The following CSMD1 variants were observed in gnomAD, a reference collection of about 807,000 sequenced individuals.
CSMD1 encodes CUB and Sushi multiple domains 1.
In CSMD1, 213 loss-of-function variants were observed where a neutral mutation model predicts 417.5. The ratio of observed to expected loss-of-function variants is 0.51; its 90% CI spans 0.46 to 0.57. The LOEUF (loss-of-function observed/expected upper bound fraction) is 0.57, where lower values mean the gene tolerates loss of function less well. Ranked by LOEUF, CSMD1 falls within the 20% of genes least tolerant of loss-of-function variation. The pLI, the probability that CSMD1 is intolerant of heterozygous loss-of-function variation, is 0.00. For missense variants in CSMD1, 6,923 were observed against 4,529.7 expected (o/e 1.53, Z -15.17); for synonymous variants, 2,862 against 1,736.8 (o/e 1.65, Z -16.11).
chr8:4,924,623 G>A (rs1348682289), intron 1 of CSMD1, among the ~76,000 whole-genome samples: 2 of 142,022 alleles, frequency 1.4e-5, no homozygotes, highest in African/African-American at 5.2e-5. Context: ...TCAGGAGGCT[G>A]AGACAAGAGA....
intron 1 of CSMD1, among the ~76,000 whole-genome samples, chr8:4,777,018 T>C (rs939298416): frequency 3.7e-4 from 56 of 152,312 alleles, no homozygotes; most frequent in Admixed American, 1.6e-3. Flanking sequence ...CTGATTTCTA[T>C]CTAGTAAAGT....
chr8:4,963,127 C>T (rs1388227131), intron 1 of CSMD1, among the ~76,000 whole-genome samples: 1 of 152,182 alleles, frequency 6.6e-6, no homozygotes, highest in Non-Finnish European at 1.5e-5. Flanking sequence ...ATGGGTGGCC[C>T]TCCTACAGGC....
intron 3 of CSMD1, among the ~76,000 whole-genome samples, chr8:4,057,213 A>G (rs1015914403): frequency 6.6e-6 from 1 of 152,024 alleles, no homozygotes; most frequent in Non-Finnish European, 1.5e-5. Flanking sequence ...TGACTTTTTA[A>G]TGATTGCCAT....
At chr8:3,956,389 T>C (rs1457010978) in intron 5 of CSMD1, among the ~76,000 whole-genome samples, 1 of 152,168 alleles carries the variant, frequency 6.6e-6, no homozygotes, top group Non-Finnish European at 1.5e-5. Flanking sequence ...GAGCTAGAAT[T>C]TGAAGCCCAG....
intron 52 of CSMD1, among the ~76,000 whole-genome samples, chr8:3,002,521 C>G (rs1432511048): frequency 6.6e-6 from 1 of 152,198 alleles, no homozygotes; most frequent in Admixed American, 6.5e-5. Flanking sequence ...AAGCCTGGAA[C>G]CACTCCAAGA....
chr8:4,833,496 T>A (rs1163743438), intron 1 of CSMD1, among the ~76,000 whole-genome samples: 1 of 152,182 alleles, frequency 6.6e-6, no homozygotes, highest in African/African-American at 2.4e-5. Context: ...ACATGAAATT[T>A]GGGTGGGGAC....
chr8:3,073,809 T>A (rs562332503), intron 49 of CSMD1, among the ~76,000 whole-genome samples: 2 of 152,242 alleles, frequency 1.3e-5, no homozygotes, highest in African/African-American at 4.8e-5. Context: ...AAAAAAAGTA[T>A]TCTCTACTGA....
intron 1 of CSMD1, among the ~76,000 whole-genome samples, chr8:4,732,027 G>A (rs1809906479): frequency 6.6e-6 from 1 of 152,124 alleles, no homozygotes; most frequent in Non-Finnish European, 1.5e-5. Flanking sequence ...AGCCAGTGTT[G>A]ACTGCATGCC....
At chr8:4,045,072 T>C (rs188605855) in intron 3 of CSMD1, among the ~76,000 whole-genome samples, 8 of 152,316 alleles carry the variant, frequency 5.3e-5, no homozygotes, top group Admixed American at 5.2e-4. Flanking sequence ...GCCTGAGGTA[T>C]GGTGTGGAGG....
In CSMD1 at chr8:3,291,361, C is replaced by G. The variant is rs539499378; in HGVS notation, c.3951-7015G>C. Among the ~76,000 whole-genome samples, 14 of 27,422 alleles carry G rather than the reference C, an allele frequency of 5.1e-4. No individual in the cohort carries two copies. The South Asian group carries it at 0.012, about 23-fold the overall frequency. 18.0% of individuals were successfully genotyped at this position (27,422 alleles called of 152,430 possible). A position where few individuals can be genotyped will look rare whatever the true frequency, so the allele number is the denominator to read the frequency against. ...CCATAAAATAAGTTAGGGAGGATTCCCATCTTTTTCTTTTGATTGGAATAA... is the reference window on the plus strand; with the variant it reads ...CCATAAAATAAGTTAGGGAGGATTCGCATCTTTTTCTTTTGATTGGAATAA... On this transcript the variant is annotated intron_variant, in intron 25 of 69. Transcript: ENST00000635120.
chr8:4,070,653 G>A (rs760184302), intron 3 of CSMD1, among the ~76,000 whole-genome samples: 122 of 152,156 alleles, frequency 8.0e-4, no homozygotes, highest in Middle Eastern at 3.4e-3. Flanking sequence ...CACCGTGCCC[G>A]GCCACCACCT....
rs552186007 is a variant in CSMD1 at position 4,435,803 on chromosome 8, C to T, written c.303-15738G>A. On this transcript the variant is annotated intron_variant, in intron 2 of 69. Transcript: ENST00000635120. ...CTAAACAAGACAATAGAAGACAGAC[C>T]GTGTCCCGAACACCTTCAGGGCAGG... Among the ~76,000 whole-genome samples, 778 of 152,300 alleles carry T rather than the reference C, an allele frequency of 5.1e-3. 7 individuals carry two copies. Among genetic ancestry groups the T allele is most frequent in the African/African-American group, 0.018 (729 of 41,560 alleles).
chr8:3,496,147 G>A (rs1443291463), intron 10 of CSMD1, among the ~76,000 whole-genome samples: 2 of 152,168 alleles, frequency 1.3e-5, no homozygotes, highest in Non-Finnish European at 2.9e-5. Context: ...TTGTAAGTGA[G>A]AACATGCGGT....
chr8:4,201,540 C>CAAAAAAAAAAAAAAA (rs1157479482), intron 3 of CSMD1, among the ~76,000 whole-genome samples: 3 of 59,048 alleles, frequency 5.1e-5, no homozygotes, highest in Non-Finnish European at 5.6e-5. Context: ...TCTGTCTCCA[C>CAAAAAAAAAAAAAAA]AAAAAAAAAA....
chr8:4,937,425 T>C (rs986011699), intron 1 of CSMD1, among the ~76,000 whole-genome samples: 1 of 152,146 alleles, frequency 6.6e-6, no homozygotes, highest in African/African-American at 2.4e-5. Flanking sequence ...CATATAAAAA[T>C]AGTGTTTTTC....
chr8:4,197,381 G>C (rs959408737), intron 3 of CSMD1, among the ~76,000 whole-genome samples: 4 of 152,184 alleles, frequency 2.6e-5, no homozygotes, highest in Non-Finnish European at 5.9e-5. Context: ...GTCTGTGGTG[G>C]TGTTTTTACA....
chr8:4,547,654 T>C (rs1378026061), intron 2 of CSMD1, among the ~76,000 whole-genome samples: 1 of 152,214 alleles, frequency 6.6e-6, no homozygotes, highest in African/African-American at 2.4e-5. Context: ...TCAATGAATG[T>C]AAAACGAATG....
At chr8:4,119,862 T>C (rs1480756708) in intron 3 of CSMD1, among the ~76,000 whole-genome samples, 2 of 152,222 alleles carry the variant, frequency 1.3e-5, no homozygotes, top group African/African-American at 2.4e-5. Context: ...GAGACACATC[T>C]GAAAGGGTTC....
intron 18 of CSMD1, among the ~76,000 whole-genome samples, chr8:3,381,753 A>T (rs1810642178): frequency 6.6e-6 from 1 of 152,168 alleles, no homozygotes; most frequent in Non-Finnish European, 1.5e-5. Context: ...TAATACCAAA[A>T]AATGTAGAGT....
Sources: gnomAD v4.1 joint callset for allele counts (sites outside exome capture counted in the v4.1 genomes callset) on GRCh38, gnomAD v4.1.1 for gene constraint, MANE v1.5 for transcripts, NCBI Gene and HGNC (gene_info 2026-07-23, HGNC 2026-07-21) for gene names.